The following CDH13 variants were observed in gnomAD, a reference collection of about 807,000 sequenced individuals.
CDH13 encodes the protein cadherin 13, also known as cadherin-13.
In CDH13, 24 loss-of-function variants were observed where a neutral mutation model predicts 63.8. The ratio of observed to expected loss-of-function variants is 0.38; its 90% CI spans 0.27 to 0.53. The LOEUF is 0.53. Among genes scored for constraint, CDH13 ranks in the 20% least tolerant of loss-of-function variants. CDH13 has a pLI of 0.85. For missense variants in CDH13, 1,049 were observed against 903.1 expected (o/e 1.16, Z -2.07); for synonymous variants, 503 against 355.3 (o/e 1.42, Z -4.67).
chr16:82,956,085 C>T (rs941508333), intron 2 of CDH13, among the ~76,000 whole-genome samples: 5 of 152,168 alleles, frequency 3.3e-5, no homozygotes, highest in East Asian at 3.9e-4. Flanking sequence ...CTAACCTCAA[C>T]CCAGCCCCAG....
intron 6 of CDH13, among the ~76,000 whole-genome samples, chr16:83,434,246 G>A (rs1160369456): frequency 6.6e-5 from 10 of 152,146 alleles, no homozygotes; most frequent in Admixed American, 5.9e-4. Flanking sequence ...GCCAGGTCAT[G>A]GTACAACATG....
chr16:82,802,297 C>T (rs2036901489), intron 1 of CDH13, among the ~76,000 whole-genome samples: 1 of 152,142 alleles, frequency 6.6e-6, no homozygotes, highest in Non-Finnish European at 1.5e-5. Flanking sequence ...GCGGGGACAA[C>T]AACAGTGTCT....
At chr16:83,539,183 C>T (rs1027469419) in intron 7 of CDH13, among the ~76,000 whole-genome samples, 1 of 152,048 alleles carries the variant, frequency 6.6e-6, no homozygotes, top group Non-Finnish European at 1.5e-5. Context: ...TTTCTGTGGG[C>T]AAGGGTGGGG....
chr16:83,277,851 A>C (rs1215846220), intron 5 of CDH13, among the ~76,000 whole-genome samples: 1 of 152,152 alleles, frequency 6.6e-6, no homozygotes, highest in Non-Finnish European at 1.5e-5. Context: ...GGTTTTGTAG[A>C]AATATAAAGG....
chr16:83,604,554 A>C (rs1908149354), intron 8 of CDH13, among the ~76,000 whole-genome samples: 1 of 152,186 alleles, frequency 6.6e-6, no homozygotes, highest in Non-Finnish European at 1.5e-5. Flanking sequence ...GTGTTTCTCT[A>C]ACAGGGTTAG....
At chr16:82,869,420 T>A (rs1324923889) in intron 2 of CDH13, among the ~76,000 whole-genome samples, 2 of 152,054 alleles carry the variant, frequency 1.3e-5, no homozygotes, top group Non-Finnish European at 2.9e-5. Flanking sequence ...AACAAGGAGT[T>A]TGATATGTAA....
chr16:83,375,996 A>G (rs896348433), intron 6 of CDH13, among the ~76,000 whole-genome samples: 4 of 152,176 alleles, frequency 2.6e-5, no homozygotes, highest in Non-Finnish European at 5.9e-5. Flanking sequence ...CAGCTCATTT[A>G]TTTAAAGGAC....
intron 2 of CDH13, among the ~76,000 whole-genome samples, chr16:82,949,871 G>GT (rs1905111946): frequency 6.6e-6 from 1 of 152,040 alleles, no homozygotes; most frequent in Non-Finnish European, 1.5e-5. Flanking sequence ...AGGATCCTGA[G>GT]TTCAAGATCC....
At chr16:83,160,635 C>T (rs1266659924) in intron 4 of CDH13, among the ~76,000 whole-genome samples, 1 of 152,196 alleles carries the variant, frequency 6.6e-6, no homozygotes, top group Admixed American at 6.5e-5. Context: ...ATCCTACAAA[C>T]CTCTCCAGCT....
chr16:83,539,061 C>T (rs185378255), intron 7 of CDH13, among the ~76,000 whole-genome samples: 39 of 151,510 alleles, frequency 2.6e-4, no homozygotes, highest in African/African-American at 8.2e-4. Context: ...AAAGTGTTTT[C>T]GAAACTTTGA....
chr16:83,195,071 T>G (rs2038839893), intron 4 of CDH13, among the ~76,000 whole-genome samples: 2 of 152,230 alleles, frequency 1.3e-5, no homozygotes, highest in Non-Finnish European at 2.9e-5. Context: ...GTGTCTATCC[T>G]AAGGAATAAT....
intron 1 of CDH13, among the ~76,000 whole-genome samples, chr16:82,711,532 G>A (rs1202756506): frequency 6.6e-6 from 1 of 152,076 alleles, no homozygotes; most frequent in Non-Finnish European, 1.5e-5. Context: ...AAAGATTAGA[G>A]GGTTCTGAAA....
chr16:83,574,253 A>G (rs1904904772), intron 7 of CDH13, among the ~76,000 whole-genome samples: 1 of 152,212 alleles, frequency 6.6e-6, no homozygotes, highest in South Asian at 2.1e-4. Context: ...CCCCTGATGC[A>G]TCGGATGGGA....
intron 1 of CDH13, among the ~76,000 whole-genome samples, chr16:82,699,851 A>G (rs1480758764): frequency 1.3e-5 from 2 of 152,252 alleles, no homozygotes; most frequent in Non-Finnish European, 2.9e-5. Context: ...CAAACAATAA[A>G]TAATACAGCT....
chr16:83,646,450 C>CA (rs1321157619), intron 8 of CDH13, among the ~76,000 whole-genome samples: 2 of 152,130 alleles, frequency 1.3e-5, no homozygotes, highest in Non-Finnish European at 2.9e-5. Flanking sequence ...CCTGTAATCC[C>CA]AGCACTTTGG....
At chr16:82,628,269 G>C (rs1327367666) in intron 1 of CDH13, among the ~76,000 whole-genome samples, 2 of 152,184 alleles carry the variant, frequency 1.3e-5, no homozygotes, top group Admixed American at 6.5e-5. Flanking sequence ...GGCAGGGCAG[G>C]GCCGGGCAGA....
At chr16:82,988,153 T>C (rs1034367865) in intron 2 of CDH13, among the ~76,000 whole-genome samples, 2 of 152,108 alleles carry the variant, frequency 1.3e-5, no homozygotes, top group Non-Finnish European at 2.9e-5. Context: ...CAGGGTCGTG[T>C]GTGTACATGC....
chr16:83,655,130 G>C (rs1290877890), intron 8 of CDH13: 1 of 152,240 alleles, frequency 6.6e-6, no homozygotes. Flanking sequence ...AACACACTGA[G>C]TGATGAGAAA....
chr16:82,761,017 CTTTTTTTTTTTTTTTTTT>C (rs35038319), intron 1 of CDH13, among the ~76,000 whole-genome samples: 1 of 40,452 alleles, frequency 2.5e-5, no homozygotes, highest in Non-Finnish European at 4.6e-5. Context: ...TTCTTTCTTT[CTTTTTTTTTTTTTTTTTT>C]TTTTTTTTTT....
Sources: gnomAD v4.1 joint callset for allele counts (sites outside exome capture counted in the v4.1 genomes callset) on GRCh38, gnomAD v4.1.1 for gene constraint, MANE v1.5 for transcripts, NCBI Gene and HGNC (gene_info 2026-07-23, HGNC 2026-07-21) for gene names.